PEPD: variants seen among roughly 807,000 people sequenced by gnomAD.
PEPD encodes peptidase D.
A neutral mutation model predicts 60.7 loss-of-function variants in PEPD; 53 were observed. The observed-to-expected ratio is 0.87, with a 90% CI of 0.70 to 1.10. PEPD has a LOEUF of 1.10. PEPD is among the 50% of genes least tolerant of loss of function. PEPD has a pLI of 0.00. For missense variants in PEPD, 711 were observed against 711.9 expected, an observed-to-expected ratio of 1.00 and a Z score of 0.01; for synonymous variants, 267 against 284.1, an observed-to-expected ratio of 0.94 and a Z score of 0.60.
chr19:33,423,894 A>G (rs1325199673), intron 9 of PEPD, among the ~76,000 whole-genome samples: 1 of 152,114 alleles, frequency 6.6e-6, no homozygotes, highest in Non-Finnish European at 1.5e-5. Context: ...TATAAACTCT[A>G]TCATCTTTTG....
At chr19:33,474,087 A>G (rs1337557446) in intron 7 of PEPD, among the ~76,000 whole-genome samples, 2 of 152,170 alleles carry the variant, frequency 1.3e-5, no homozygotes, top group East Asian at 3.9e-4. Context: ...GGTGCCAAGG[A>G]AGCCAAGCAT....
intron 9 of PEPD, among the ~76,000 whole-genome samples, chr19:33,443,509 T>C (rs1341361379): frequency 5.9e-5 from 9 of 152,258 alleles, no homozygotes; most frequent in Non-Finnish European, 8.8e-5. Context: ...ACATAATTGC[T>C]GTTTATAGGT....
intron 9 of PEPD, among the ~76,000 whole-genome samples, chr19:33,423,270 G>C (rs1969072074): frequency 6.6e-6 from 1 of 152,262 alleles, no homozygotes; most frequent in South Asian, 2.1e-4. Context: ...GTGAATGGCT[G>C]TATGAGCAGC....
At chr19:33,412,716 C>T (rs900508163) in intron 10 of PEPD, among the ~76,000 whole-genome samples, 9 of 152,232 alleles carry the variant, frequency 5.9e-5, no homozygotes, top group Non-Finnish European at 7.3e-5. Context: ...AGAACATTTC[C>T]AAGGACTGAG....
intron 3 of PEPD, among the ~76,000 whole-genome samples, chr19:33,504,405 G>C (rs1229588518): frequency 6.6e-6 from 1 of 152,220 alleles, no homozygotes; most frequent in Non-Finnish European, 1.5e-5. Context: ...GCCCTGTGGG[G>C]AGTCTGGGGT....
At chr19:33,487,659 C>G (rs970924830) in intron 6 of PEPD, among the ~76,000 whole-genome samples, 1 of 152,166 alleles carries the variant, frequency 6.6e-6, no homozygotes, top group Non-Finnish European at 1.5e-5. Context: ...CCAGTCAGCC[C>G]CAGCCTGGCC....
At chr19:33,503,519 C>T (rs990052794) in intron 3 of PEPD, among the ~76,000 whole-genome samples, 11 of 152,108 alleles carry the variant, frequency 7.2e-5, no homozygotes, top group African/African-American at 2.4e-5. Flanking sequence ...CTTCGGAGGC[C>T]CCAGACGCAG....
intron 9 of PEPD, among the ~76,000 whole-genome samples, chr19:33,423,093 T>TACC (rs1969065516): frequency 4.2e-5 from 3 of 71,994 alleles, no homozygotes; most frequent in Non-Finnish European, 6.4e-5. Context: ...CTTACCTACT[T>TACC]ATCATCCATC....
chr19:33,410,713 T>C (rs761787446), intron 11 of PEPD, among the ~76,000 whole-genome samples: 2 of 152,128 alleles, frequency 1.3e-5, no homozygotes, highest in African/African-American at 2.4e-5. Flanking sequence ...TTCGGGTGCA[T>C]CTGCCATAGA....
At position 33,521,755 on chromosome 19, in the gene PEPD, C is replaced by G; in HGVS notation, c.6G>C (p.Ala2=). Reference sequence around the variant, plus strand: ...GGCGCAGCACTCACCCGGTGGCCGCCGCCATGTTCGCCCGGCACCGGCGTC... The same window carrying G: ...GGCGCAGCACTCACCCGGTGGCCGCGGCCATGTTCGCCCGGCACCGGCGTC... The part of the protein sequence containing the change: M[A]AATGPSFWLG... Residue 2 remains alanine (A), a synonymous_variant, in exon 1 of 15, where the codon GCG becomes GCC. Transcript: ENST00000244137. The G allele has an allele frequency of 6.3e-7, 1 of 1,577,560 alleles. No homozygotes were observed. Among genetic ancestry groups the G allele is most frequent in the Non-Finnish European group, 8.6e-7 (1 of 1,167,100 alleles).
intron 5 of PEPD, among the ~76,000 whole-genome samples, chr19:33,491,566 C>A (rs1002131525): frequency 5.3e-5 from 8 of 152,184 alleles, no homozygotes; most frequent in African/African-American, 1.9e-4. Context: ...AGTTTTGCCA[C>A]GAGAGTTCAC....
intron 13 of PEPD, 49 bp from the exon 14 acceptor site, chr19:33,388,130 C>T (rs1282632917): frequency 2.0e-5 from 30 of 1,477,484 alleles, no homozygotes; most frequent in Middle Eastern, 1.7e-4. Flanking sequence ...CAGGGCTCAC[C>T]GTGGCCTCAT....
intron 10 of PEPD, 79 bp downstream of exon 10, chr19:33,413,495 GA>G (rs1248325361): frequency 2.5e-6 from 2 of 796,192 alleles, no homozygotes; most frequent in Non-Finnish European, 4.3e-6. Flanking sequence ...TGAGCTGGGG[GA>G]TGGTGGAGCC....
chr19:33,393,389 C>A (rs541748487), intron 12 of PEPD, among the ~76,000 whole-genome samples: 15 of 152,112 alleles, frequency 9.9e-5, no homozygotes, highest in Admixed American at 9.8e-4. Flanking sequence ...GGCACACACA[C>A]CCCTGGCTGG....
chr19:33,521,459 G>A (rs1971132157), intron 1 of PEPD, among the ~76,000 whole-genome samples: 1 of 152,180 alleles, frequency 6.6e-6, no homozygotes, highest in Non-Finnish European at 1.5e-5. Flanking sequence ...GCGAACATGC[G>A]TGTCGACCCC....
intron 9 of PEPD, among the ~76,000 whole-genome samples, chr19:33,450,505 T>C (rs1263444293): frequency 6.6e-6 from 1 of 152,164 alleles, no homozygotes; most frequent in African/African-American, 2.4e-5. Context: ...CAATACCCAC[T>C]GAAGCCACCA....
chr19:33,493,427 C>T (rs1970538435), intron 4 of PEPD, 90 bp from the exon 5 acceptor site: 1 of 921,754 alleles, frequency 1.1e-6, no homozygotes, highest in African/African-American at 1.6e-5. Flanking sequence ...TGACAGTGCA[C>T]ATTTATCAAG....
intron 9 of PEPD, among the ~76,000 whole-genome samples, chr19:33,445,612 C>T (rs75028634): frequency 0.011 from 1,693 of 152,342 alleles, 25 homozygotes; most frequent in South Asian, 0.071. Flanking sequence ...ATGCCTTGAT[C>T]TTGGACTTCC....
rs1016132121 is a variant in PEPD, at chr19:33,452,914, T to C, written c.671+10081A>G. On this transcript the variant is annotated intron_variant, in intron 9 of 14. Transcript: ENST00000244137. ...AGAAAACAGAAAAACATGGGGGTGC[T>C]TCCCAAAACATGATCTCAAAAACCT... Among the ~76,000 whole-genome samples, 2 of 152,206 alleles carry C rather than the reference T, an allele frequency of 1.3e-5. 1 individual carries two copies. Among genetic ancestry groups the C allele is most frequent in the South Asian group, 4.1e-4 (2 of 4,836 alleles).
Sources: gnomAD v4.1 joint callset for allele counts (sites outside exome capture counted in the v4.1 genomes callset) on GRCh38, gnomAD v4.1.1 for gene constraint, MANE v1.5 for transcripts, NCBI Gene and HGNC (gene_info 2026-07-23, HGNC 2026-07-21) for gene names.